SLC6A14: variants seen among roughly 807,000 people sequenced by gnomAD.
The protein encoded by SLC6A14 is sodium- and chloride-dependent neutral and basic amino acid transporter B(0+).
SLC6A14 carries 21 observed loss-of-function variants against 51.4 expected under a neutral mutation model. The ratio of observed to expected loss-of-function variants is 0.41; its 90% CI spans 0.29 to 0.59. The LOEUF is 0.59. Ranked by LOEUF, SLC6A14 falls within the 20% of genes least tolerant of loss-of-function variation. The pLI is 0.31. For synonymous variants in SLC6A14, 177 were observed against 160.7 expected (o/e 1.10, Z -0.77); for missense variants, 371 against 472.8 (o/e 0.78, Z 2.00).
chrX:116,454,585 T>G lies in SLC6A14; in HGVS notation c.1404+143T>G. ...CAAGGTTTTCTGGGTTTTAGCCCATTTTTCTCCATTATTACTTTTATAGAA... is the reference window on the plus strand; with the variant it reads ...CAAGGTTTTCTGGGTTTTAGCCCATGTTTCTCCATTATTACTTTTATAGAA... On this transcript the variant is annotated intron_variant, in intron 10 of 13. Transcript: ENST00000598581. 6.8e-6 allele frequency: 3 copies of G among 443,429 alleles called. No individual in the cohort carries two copies. In the East Asian group the frequency reaches 1.1e-4, roughly 16 times the overall value. The allele number at this position is 443,429 out of a possible 1,213,427, so 36.5% of individuals were successfully genotyped here.
intron 2 of SLC6A14, among the ~76,000 whole-genome samples, chrX:116,438,412 C>T (rs7059155): frequency 0.27 from 29,498 of 110,982 alleles, 3,088 homozygotes; most frequent in Admixed American, 0.31. Context: ...ATTTTGGTGA[C>T]TTAAGTGTTG....
intron 6 of SLC6A14, among the ~76,000 whole-genome samples, chrX:116,446,072 A>C (rs1255135261): frequency 2.0e-5 from 2 of 99,499 alleles, no homozygotes; most frequent in Non-Finnish European, 4.4e-5. Context: ...TGACTTGTTT[A>C]AACCATTTCC....
At chrX:116,455,902 C>T (rs1252274581) in intron 12 of SLC6A14, among the ~76,000 whole-genome samples, 2 of 111,119 alleles carry the variant, frequency 1.8e-5, no homozygotes, top group African/African-American at 6.5e-5. Flanking sequence ...TGCTGAGAAA[C>T]AACAGTCATA....
intron 10 of SLC6A14, 98 bp from the exon 11 acceptor site, chrX:116,454,879 C>A: frequency 1.7e-6 from 1 of 600,073 alleles, no homozygotes; most frequent in Non-Finnish European, 2.6e-6. Context: ...AACTAAGGAG[C>A]ATATGTCAAG....
At chrX:116,445,457 G>GGA (rs4068397) in intron 6 of SLC6A14, among the ~76,000 whole-genome samples, 4,180 of 66,763 alleles carry the variant, frequency 0.063, 155 homozygotes, top group East Asian at 0.1. Flanking sequence ...TCCCCTAGTC[G>GGA]GAGAGAGAGA....
chrX:116,454,783 G>A (rs782174662), intron 10 of SLC6A14, among the ~76,000 whole-genome samples, 194 bp from the exon 11 acceptor site: 4 of 111,651 alleles, frequency 3.6e-5, no homozygotes, highest in Non-Finnish European at 3.8e-5. Context: ...CAGTGACTCA[G>A]TATAGATTGA....
intron 8 of SLC6A14, among the ~76,000 whole-genome samples, chrX:116,452,675 C>T (rs1481406331): frequency 3.6e-5 from 4 of 111,372 alleles, no homozygotes; most frequent in East Asian, 2.8e-4. Flanking sequence ...AACTAATTTA[C>T]GTTTCTGGAA....
intron 7 of SLC6A14, among the ~76,000 whole-genome samples, chrX:116,448,579 G>A (rs1927761570): frequency 9.0e-6 from 1 of 111,705 alleles, no homozygotes; most frequent in African/African-American, 3.3e-5. Context: ...ATATAAATAT[G>A]AGCTAATGTA....
Position 116,443,794 on chromosome X carries a change from A to T in SLC6A14, c.656+4A>T. 1.7e-6 allele frequency: 2 copies of T among 1,175,800 alleles called. No homozygotes were observed. The highest frequency in any genetic ancestry group is 2.3e-6 in the Non-Finnish European group (2 of 874,659). On this transcript the variant is annotated splice_donor_region_variant and intron_variant, in intron 5 of 13. Coordinates refer to ENST00000598581, the MANE Select transcript of SLC6A14 (RefSeq NM_007231.5). ...TTCCCAGTGAACAATATTGGAAGTA[A>T]GTATACTAGATGATTTACTTTTAAG...
Position 116,460,627 on chromosome X carries a change from G to A in SLC6A14, c.*1672G>A, listed in dbSNP as rs1412846874. 1.9e-5 allele frequency: 2 copies of A among 104,835 alleles called. No individual in the cohort carries two copies. Among genetic ancestry groups the A allele is most frequent in the Non-Finnish European group, 3.9e-5 (2 of 51,365 alleles). The allele number at this position is 104,835 out of a possible 1,213,427, so 8.6% of individuals were successfully genotyped here. On this transcript the variant is annotated 3_prime_UTR_variant, in exon 14 of 14. Transcript: ENST00000598581. ...TCTGTTGCCCGGGCTGGAGTGCAGT[G>A]GCATGATCTCAGCTCACTGCAACCT...
intron 4 of SLC6A14, 97 bp from the exon 5 acceptor site, chrX:116,443,546 A>G: frequency 3.5e-6 from 2 of 570,299 alleles, no homozygotes; most frequent in Non-Finnish European, 5.1e-6. Flanking sequence ...AACAATTTTG[A>G]TGATAATTTA....
chrX:116,444,615 AT>A (rs1418067121), intron 5 of SLC6A14, among the ~76,000 whole-genome samples: 1 of 112,006 alleles, frequency 8.9e-6, no homozygotes, highest in Non-Finnish European at 1.9e-5. Flanking sequence ...AAGTCAATTT[AT>A]TTACATAAAG....
rs189161340 is a variant in SLC6A14, at chrX:116,442,019, G to A, written c.347-668G>A. On this transcript the variant is annotated intron_variant, in intron 3 of 13. Transcript: ENST00000598581. Reference sequence around the variant, plus strand: ...GAATTTTTTTTGTCTAAAGAATGTCGACTTTGCATGATCTGACAAGAATTT... The same window carrying A: ...GAATTTTTTTTGTCTAAAGAATGTCAACTTTGCATGATCTGACAAGAATTT... Among the ~76,000 whole-genome samples, 4 of 111,049 alleles carry A rather than the reference G, an allele frequency of 3.6e-5. No individual in the cohort carries two copies. The East Asian group carries it at 1.1e-3, about 31-fold the overall frequency.
chrX:116,445,911 A>G (rs782521007), intron 6 of SLC6A14, among the ~76,000 whole-genome samples: 2 of 111,407 alleles, frequency 1.8e-5, no homozygotes, highest in Admixed American at 9.6e-5. Context: ...TTACATCACA[A>G]AAATACTGTG....
rs782082858 is a variant in SLC6A14, at chrX:116,442,674, C to A, written c.347-13C>A. 2 of 1,072,551 alleles carry A rather than the reference C, an allele frequency of 1.9e-6. No individual in the cohort carries two copies. The highest frequency in any genetic ancestry group is 2.4e-6 in the Non-Finnish European group (2 of 825,195). The allele number at this position is 1,072,551 out of a possible 1,213,427, so 88.4% of individuals were successfully genotyped here. Reference sequence around the variant, plus strand: ...GAGTTTGGTTTTTATTTTAATTGTTCTTTTTTTTCCAGGTGTGGGAATTAC... The same window carrying A: ...GAGTTTGGTTTTTATTTTAATTGTTATTTTTTTTCCAGGTGTGGGAATTAC... On this transcript the variant is annotated splice_polypyrimidine_tract_variant and intron_variant, in intron 3 of 13. Coordinates refer to ENST00000598581, the MANE Select transcript of SLC6A14 (RefSeq NM_007231.5).
Position 116,451,749 on chromosome X carries a change from T to C in SLC6A14, c.1159+79T>C, listed in dbSNP as rs1430789716. On this transcript the variant is annotated intron_variant, in intron 8 of 13. Transcript: ENST00000598581. ...GAAACTCCAATAGAATTTATAGAAA[T>C]TTACTTGACACAGTCATGATTTAGA... is the stretch of plus-strand genomic sequence containing the variant. The C allele has an allele frequency of 8.9e-6, 5 of 559,939 alleles. No individual in the cohort carries two copies. The African/African-American group carries it at 1.2e-4, about 13-fold the overall frequency. The allele number at this position is 559,939 out of a possible 1,213,427, so 46.1% of individuals were successfully genotyped here.
chrX:116,450,216 A>T (rs1556694318), intron 7 of SLC6A14, among the ~76,000 whole-genome samples: 1 of 111,581 alleles, frequency 9.0e-6, no homozygotes, highest in Admixed American at 9.6e-5. Flanking sequence ...AACAAAATTA[A>T]CCTACAAATT....
Position 116,445,457 on chromosome X carries a change from G to GGAGAGAGAGA in SLC6A14, c.789+446_789+455dup, listed in dbSNP as rs4068397. ...TAATAGTATCAGGAATCCCCTAGTC[G>GGAGAGAGAGA]GAGAGAGAGAGAGAGAGAGAGAGAG... On this transcript the variant is annotated intron_variant, in intron 6 of 13. Transcript: ENST00000598581. Among the ~76,000 whole-genome samples, 254 of 66,994 alleles carry GGAGAGAGAGA rather than the reference G, an allele frequency of 3.8e-3. 1 individual carries two copies. The highest frequency in any genetic ancestry group is 0.028 in the East Asian group (43 of 1,519). 58.2% of individuals were successfully genotyped at this position (66,994 alleles called of 115,157 possible). A position where few individuals can be genotyped will look rare whatever the true frequency, so the allele number is the denominator to read the frequency against.
In SLC6A14 at chrX:116,436,632, G is replaced by C. The variant is rs183952126; in HGVS notation, c.-78G>C. ...GCTCACTCTGGCAGGTAGGAACAGG[G>C]GAGAGTGCACCTGCTACCAGTCAAG... On this transcript the variant is annotated 5_prime_UTR_variant, in exon 1 of 14. Coordinates refer to ENST00000598581, the MANE Select transcript of SLC6A14 (RefSeq NM_007231.5). The C allele has an allele frequency of 9.5e-7, 1 of 1,048,258 alleles. No individual in the cohort carries two copies. Among genetic ancestry groups the C allele is most frequent in the African/African-American group, 1.9e-5 (1 of 53,435 alleles). 86.4% of individuals were successfully genotyped at this position (1,048,258 alleles called of 1,213,427 possible).
Sources: gnomAD v4.1 joint callset for allele counts (sites outside exome capture counted in the v4.1 genomes callset) on GRCh38, gnomAD v4.1.1 for gene constraint, MANE v1.5 for transcripts, NCBI Gene and HGNC (gene_info 2026-07-23, HGNC 2026-07-21) for gene names.